TLK2: variants seen among roughly 807,000 people sequenced by gnomAD.
TLK2 encodes the protein tousled like kinase 2.
Under a neutral mutation model 117.3 loss-of-function variants are expected in TLK2, and 6 were observed. The ratio of observed to expected loss-of-function variants is 0.05; its 90% CI spans 0.03 to 0.10. TLK2 has a LOEUF of 0.10. Ranked by LOEUF, TLK2 falls within the 10% of genes least tolerant of loss-of-function variation. TLK2 has a pLI of 1.00. For missense variants in TLK2, 299 were observed against 901.2 expected (o/e 0.33, Z 8.56); for synonymous variants, 257 against 316.7 (o/e 0.81, Z 2.00).
chr17:62,584,106 GGTTT>G lies in TLK2; in HGVS notation c.1369-2028_1369-2025del, dbSNP rs2081417728. 3.3e-5 allele frequency among the ~76,000 whole-genome samples: 4 copies of G among 119,944 alleles called. No individual in the cohort carries two copies. The South Asian group carries it at 1.1e-3, about 33-fold the overall frequency. 78.7% of individuals were successfully genotyped at this position (119,944 alleles called of 152,430 possible). ...GGTATTTAATGTTTTTTTCTTTTGT[GGTTT>G]TTTTTTTTTTTTTTTTTTTTTTGAT... On this transcript the variant is annotated intron_variant, in intron 15 of 21. Coordinates refer to ENST00000346027, the MANE Select transcript of TLK2 (RefSeq NM_006852.6).
intron 2 of TLK2, among the ~76,000 whole-genome samples, chr17:62,494,899 C>T (rs1385943101): frequency 6.6e-6 from 1 of 152,144 alleles, no homozygotes; most frequent in Non-Finnish European, 1.5e-5. Context: ...GGTGTGGTGG[C>T]TCATGCCTAT....
chr17:62,552,485 C>T, intron 8 of TLK2, 88 bp downstream of exon 8: 3 of 1,589,570 alleles, frequency 1.9e-6, no homozygotes, highest in Non-Finnish European at 2.6e-6. Flanking sequence ...TCTTCTCTGA[C>T]TTCTCTGTAT....
At chr17:62,573,464 A>G (rs1337083536) in intron 12 of TLK2, 97 bp downstream of exon 12, 3 of 1,501,338 alleles carry the variant, frequency 2.0e-6, no homozygotes, top group Non-Finnish European at 2.7e-6. Context: ...TCTTGAGGTC[A>G]CTCAGGTTTA....
intron 15 of TLK2, among the ~76,000 whole-genome samples, chr17:62,583,205 C>G (rs2081342846): frequency 1.3e-5 from 2 of 152,126 alleles, no homozygotes; most frequent in Admixed American, 1.3e-4. Context: ...GATTCTGCTG[C>G]CTCAGCCTCT....
intron 11 of TLK2, 126 bp downstream of exon 11, chr17:62,565,263 C>T: frequency 1.3e-5 from 16 of 1,228,010 alleles, no homozygotes; most frequent in Middle Eastern, 2.1e-4. Context: ...TTTTTAGTCA[C>T]CACATGTGGA....
intron 19 of TLK2, among the ~76,000 whole-genome samples, chr17:62,603,552 T>C (rs1211582513): frequency 1.3e-5 from 2 of 152,158 alleles, no homozygotes; most frequent in African/African-American, 4.8e-5. Context: ...CACAGTTTTT[T>C]TGCATTTAAA....
At chr17:62,564,893 G>A in intron 10 of TLK2, 108 bp from the exon 11 acceptor site, 4 of 1,392,378 alleles carry the variant, frequency 2.9e-6, no homozygotes, top group Non-Finnish European at 2.9e-6. Flanking sequence ...GAAGTGTATG[G>A]TTTTCAATAA....
At chr17:62,597,308 A>C (rs561354639) in intron 17 of TLK2, 1 of 152,244 alleles carries the variant, frequency 6.6e-6, no homozygotes, top group South Asian at 2.1e-4. Context: ...GGTGTTGTCA[A>C]ATTTCATCCT....
intron 2 of TLK2, among the ~76,000 whole-genome samples, chr17:62,510,984 AAT>A (rs1383931750): frequency 6.6e-6 from 1 of 152,220 alleles, no homozygotes; most frequent in Non-Finnish European, 1.5e-5. Context: ...ATTTCAGAGT[AAT>A]TAGAGATTGG....
At chr17:62,515,453 C>G (rs754851682) in intron 2 of TLK2, among the ~76,000 whole-genome samples, 2 of 152,146 alleles carry the variant, frequency 1.3e-5, no homozygotes, top group South Asian at 2.1e-4. Context: ...TGCAAGTATT[C>G]CAGTTACTCC....
chr17:62,547,428 C>T lies in TLK2; in HGVS notation c.532-4874C>T, dbSNP rs181372871. ...ACACAGGACCAGGCACAGAGGGTCA[C>T]ATTTAATGTTGAATGAATGATCAGT... On this transcript the variant is annotated intron_variant, in intron 7 of 21. Coordinates refer to ENST00000346027, the MANE Select transcript of TLK2 (RefSeq NM_006852.6). 1.5e-4 allele frequency among the ~76,000 whole-genome samples: 23 copies of T among 151,782 alleles called. 1 individual carries two copies. In the East Asian group the frequency reaches 2.5e-3, roughly 17 times the overall value.
intron 21 of TLK2, among the ~76,000 whole-genome samples, chr17:62,611,757 T>C (rs1482705497): frequency 6.6e-6 from 1 of 152,242 alleles, no homozygotes; most frequent in Non-Finnish European, 1.5e-5. Context: ...GCCTTTATGC[T>C]AAGACTTACA....
At chr17:62,525,686 G>T (rs191409638) in intron 6 of TLK2, among the ~76,000 whole-genome samples, 1 of 152,214 alleles carries the variant, frequency 6.6e-6, no homozygotes, top group African/African-American at 2.4e-5. Context: ...CTGAGATCAT[G>T]TGGTCTGCCT....
At chr17:62,567,920 A>G (rs2079932803) in intron 11 of TLK2, among the ~76,000 whole-genome samples, 1 of 152,084 alleles carries the variant, frequency 6.6e-6, no homozygotes, top group Non-Finnish European at 1.5e-5. Context: ...GATTTGTAAT[A>G]TTTTTTGGCC....
upstream of TLK2, among the ~76,000 whole-genome samples, chr17:62,478,713 C>T (rs2071221371): frequency 7.9e-6 from 1 of 126,108 alleles, no homozygotes; most frequent in Non-Finnish European, 1.7e-5. Context: ...GTCCCCTCCC[C>T]CTGCTCCCCC....
chr17:62,521,606 C>G (rs2076054927), intron 3 of TLK2, among the ~76,000 whole-genome samples: 1 of 152,100 alleles, frequency 6.6e-6, no homozygotes, highest in Non-Finnish European at 1.5e-5. Flanking sequence ...GTTGCCCAGG[C>G]TGGTCTGGAA....
rs2083921314 is a variant in TLK2 at position 62,613,284 on chromosome 17, T to C, written c.*719T>C. ...CGTCTGGTCTCCTGTTTGCAATTGC[T>C]TCCCTCATCTCAGTAGGGAAAAAAT... is the stretch of plus-strand genomic sequence containing the variant. On this transcript the variant is annotated 3_prime_UTR_variant, in exon 22 of 22. Transcript: ENST00000346027. 1 of 152,492 alleles carries C rather than the reference T, an allele frequency of 6.6e-6. No individual in the cohort carries two copies. 9.4% of individuals were successfully genotyped at this position (152,492 alleles called of 1,614,324 possible). A position where few individuals can be genotyped will look rare whatever the true frequency, so the allele number is the denominator to read the frequency against.
intron 15 of TLK2, 79 bp downstream of exon 15, chr17:62,580,271 G>A: frequency 9.7e-7 from 1 of 1,034,946 alleles, no homozygotes; most frequent in South Asian, 1.7e-5. Flanking sequence ...TAAGAATACT[G>A]ATAATTGTAG....
chr17:62,565,284 TC>T (rs2079662460), intron 11 of TLK2, 147 bp downstream of exon 11: 1 of 1,025,876 alleles, frequency 9.7e-7, no homozygotes, highest in African/African-American at 1.6e-5. Context: ...AAGAAATGTA[TC>T]GAATGAGGTG....
Sources: gnomAD v4.1 joint callset for allele counts (sites outside exome capture counted in the v4.1 genomes callset) on GRCh38, gnomAD v4.1.1 for gene constraint, MANE v1.5 for transcripts, NCBI Gene and HGNC (gene_info 2026-07-23, HGNC 2026-07-21) for gene names.